NRXN1: variants seen among roughly 807,000 people sequenced by gnomAD.
NRXN1 encodes neurexin-1.
Under a neutral mutation model 150.9 loss-of-function variants are expected in NRXN1, and 39 were observed. The observed-to-expected ratio is 0.26, with a 90% confidence interval of 0.20 to 0.34. The LOEUF is 0.34. Among genes scored for constraint, NRXN1 ranks in the 10% least tolerant of loss-of-function variants. The pLI is 1.00. For missense variants in NRXN1, 1,815 were observed against 1,949.9 expected (o/e 0.93, Z 1.30); for synonymous variants, 924 against 757.0 (o/e 1.22, Z -3.62).
intron 5 of NRXN1, among the ~76,000 whole-genome samples, chr2:50,741,209 C>A (rs1699378993): frequency 6.6e-6 from 1 of 152,144 alleles, no homozygotes; most frequent in African/African-American, 2.4e-5. Context: ...AGAGTCTGGA[C>A]TTAAATGATT....
chr2:50,865,365 G>T (rs977775874), intron 5 of NRXN1, among the ~76,000 whole-genome samples: 1 of 151,882 alleles, frequency 6.6e-6, no homozygotes, highest in African/African-American at 2.4e-5. Context: ...AAATTCTGGA[G>T]ATTCCTAAAA....
intron 17 of NRXN1, among the ~76,000 whole-genome samples, chr2:50,301,835 A>T (rs1019989954): frequency 3.3e-5 from 5 of 152,178 alleles, no homozygotes; most frequent in African/African-American, 1.2e-4. Flanking sequence ...AGTGCCAGGG[A>T]CCAAATGTTT....
intron 12 of NRXN1, among the ~76,000 whole-genome samples, chr2:50,518,515 C>A (rs548390166): frequency 6.6e-6 from 1 of 151,846 alleles, no homozygotes; most frequent in South Asian, 2.1e-4. Context: ...AATGTATTTT[C>A]TGCAATACAT....
intron 2 of NRXN1, among the ~76,000 whole-genome samples, chr2:50,956,721 T>C (rs1692339953): frequency 6.6e-6 from 1 of 151,178 alleles, no homozygotes; most frequent in South Asian, 2.1e-4. Flanking sequence ...TCTCAAAAAA[T>C]ATATAATAAT....
At chr2:50,262,702 T>C (rs997902239) in intron 17 of NRXN1, among the ~76,000 whole-genome samples, 3 of 151,916 alleles carry the variant, frequency 2.0e-5, no homozygotes, top group East Asian at 3.9e-4. Flanking sequence ...GTTGTGAAAA[T>C]ATAAGGAAAA....
rs1310916931 is a variant in NRXN1 at position 49,921,339 on chromosome 2, C to G, written c.*605G>C. 3 of 151,874 alleles carry G rather than the reference C, an allele frequency of 2.0e-5. No homozygotes were observed. Among genetic ancestry groups the G allele is most frequent in the Non-Finnish European group, 4.4e-5 (3 of 67,846 alleles). The allele number at this position is 151,874 out of a possible 1,614,324, so 9.4% of individuals were successfully genotyped here. ...AAATAAGGCCTCCATACTTTTTTTT[C>G]CTCTCTCACAACCAGAAAGGGGCTT... On this transcript the variant is annotated 3_prime_UTR_variant, in exon 23 of 23. Coordinates refer to ENST00000401669, the MANE Select transcript of NRXN1 (RefSeq NM_001330078.2).
intron 17 of NRXN1, among the ~76,000 whole-genome samples, chr2:50,419,804 T>C (rs961490904): frequency 6.6e-6 from 1 of 152,066 alleles, no homozygotes; most frequent in African/African-American, 2.4e-5. Flanking sequence ...TATATGCTTT[T>C]ATGAGAGATG....
At chr2:50,299,173 G>A (rs764435058) in intron 17 of NRXN1, among the ~76,000 whole-genome samples, 4 of 152,032 alleles carry the variant, frequency 2.6e-5, no homozygotes, top group African/African-American at 7.2e-5. Context: ...TTATACAATT[G>A]CATCCTCTCT....
At chr2:50,869,521 T>C (rs1021198195) in intron 5 of NRXN1, among the ~76,000 whole-genome samples, 1 of 151,148 alleles carries the variant, frequency 6.6e-6, no homozygotes, top group Non-Finnish European at 1.5e-5. Context: ...AAAAACCACA[T>C]AGAAGAATCA....
chr2:50,415,556 T>A (rs770477730), intron 17 of NRXN1, among the ~76,000 whole-genome samples: 11 of 152,102 alleles, frequency 7.2e-5, no homozygotes, highest in Non-Finnish European at 1.5e-4. Flanking sequence ...TGATTTGAAT[T>A]TACACTTCAG....
At chr2:50,668,290 G>A (rs184671928) in intron 5 of NRXN1, among the ~76,000 whole-genome samples, 2 of 151,928 alleles carry the variant, frequency 1.3e-5, no homozygotes, top group East Asian at 3.9e-4. Flanking sequence ...TACTTAATCA[G>A]TGTTCTTTTT....
chr2:50,780,649 T>A (rs1437848004), intron 5 of NRXN1, among the ~76,000 whole-genome samples: 2 of 152,226 alleles, frequency 1.3e-5, no homozygotes, highest in Non-Finnish European at 2.9e-5. Flanking sequence ...GGTCTACTCA[T>A]GTTCTTTTTA....
At chr2:50,079,617 A>C (rs1697638133) in intron 19 of NRXN1, among the ~76,000 whole-genome samples, 1 of 152,072 alleles carries the variant, frequency 6.6e-6, no homozygotes, top group Non-Finnish European at 1.5e-5. Context: ...ATATTCTCCT[A>C]ACTTCATTAG....
intron 17 of NRXN1, among the ~76,000 whole-genome samples, chr2:50,424,310 G>GA: frequency 8.7e-6 from 1 of 114,470 alleles, no homozygotes; most frequent in Admixed American, 9.0e-5. Flanking sequence ...GGAGGAGGAG[G>GA]GGGAGGAGGA....
At chr2:50,393,727 T>C (rs185788651) in intron 17 of NRXN1, among the ~76,000 whole-genome samples, 1 of 152,254 alleles carries the variant, frequency 6.6e-6, no homozygotes, top group African/African-American at 2.4e-5. Context: ...TAATCTACTA[T>C]TTCTTCAGGA....
At chr2:50,064,812 T>C (rs1025498665) in intron 19 of NRXN1, among the ~76,000 whole-genome samples, 7 of 152,178 alleles carry the variant, frequency 4.6e-5, no homozygotes, top group Non-Finnish European at 7.4e-5. Flanking sequence ...TGATACAAAG[T>C]TGAAGCTTAT....
In NRXN1 at chr2:50,623,355, T is replaced by C. The variant is rs756966168; in HGVS notation, c.1093A>G (p.Asn365Asp). The change falls in exon 6 of 23, where the codon AAT becomes GAT. Residue 365 changes from asparagine (N) to aspartate (D), a missense_variant. Asn to Asp is a conservative substitution (Grantham distance 23). Transcript: ENST00000401669. ...VEPVNGKFND[N>D]AWHDVKVTRN... Reference sequence around the variant, plus strand: ...GTGACTTTCACATCATGCCAGGCATTATCATTAAACTTTCCATTCACAGGC... The same window carrying C: ...GTGACTTTCACATCATGCCAGGCATCATCATTAAACTTTCCATTCACAGGC... The C allele has an allele frequency of 1.2e-6, 2 of 1,613,286 alleles. No individual in the cohort carries two copies. The highest frequency in any genetic ancestry group is 3.3e-5 in the Admixed American group (2 of 59,928).
chr2:50,831,921 T>C (rs1450547442), intron 5 of NRXN1, among the ~76,000 whole-genome samples: 1 of 152,158 alleles, frequency 6.6e-6, no homozygotes, highest in Non-Finnish European at 1.5e-5. Context: ...TGACGCTGAT[T>C]GTTCACATTG....
chr2:50,155,722 C>T (rs2058978142), intron 18 of NRXN1, among the ~76,000 whole-genome samples: 1 of 151,304 alleles, frequency 6.6e-6, no homozygotes, highest in Admixed American at 6.6e-5. Context: ...TTCCTTATAA[C>T]AGTGAAAAAC....
Sources: allele counts gnomAD v4.1 joint callset (sites outside exome capture counted in the v4.1 genomes callset), GRCh38; gene constraint gnomAD v4.1.1; transcripts MANE v1.5; gene names NCBI Gene and HGNC (gene_info 2026-07-23, HGNC 2026-07-21).